Variants in MDGA2 observed in about 807,000 individuals in gnomAD.
The protein encoded by MDGA2 is MAM domain containing glycosylphosphatidylinositol anchor 2.
In MDGA2, 40 loss-of-function variants were observed where a neutral mutation model predicts 117.8. The ratio of observed to expected loss-of-function variants is 0.34; its 90% CI spans 0.26 to 0.44. MDGA2 has a LOEUF of 0.44. Among genes scored for constraint, MDGA2 ranks in the 20% least tolerant of loss-of-function variants. MDGA2 has a pLI of 1.00. For synonymous variants in MDGA2, 452 were observed against 439.0 expected (o/e 1.03, Z -0.37); for missense variants, 1,123 against 1,250.6 (o/e 0.90, Z 1.54).
chr14:47,420,190 A>G (rs1892550867), intron 1 of MDGA2, among the ~76,000 whole-genome samples: 1 of 152,192 alleles, frequency 6.6e-6, no homozygotes, highest in Admixed American at 6.5e-5. Context: ...TAGTGATTGT[A>G]AATTGAAAGT....
rs558947308 is a variant in MDGA2, at chr14:46,858,188, CT to C, written c.2753-3035del. On this transcript the variant is annotated intron_variant, in intron 14 of 16. Transcript: ENST00000399232. ...TTTTCTTTGTCTTCAAGTTCACTGA[CT>C]TTTTTTTTTCTGTCATCTCCAGTCT... 3.0e-4 allele frequency among the ~76,000 whole-genome samples: 44 copies of C among 148,290 alleles called. 1 individual carries two copies. The highest frequency in any genetic ancestry group is 3.4e-3 in the Middle Eastern group (1 of 290).
chr14:46,870,506 ACTATC>A (rs374106444), intron 14 of MDGA2, among the ~76,000 whole-genome samples: 9 of 152,092 alleles, frequency 5.9e-5, no homozygotes, highest in African/African-American at 2.2e-4. Context: ...TCTCTAATGA[ACTATC>A]TCATCTAGCT....
chr14:47,170,908 T>G (rs185996492), intron 3 of MDGA2, among the ~76,000 whole-genome samples: 1 of 152,282 alleles, frequency 6.6e-6, no homozygotes, highest in East Asian at 1.9e-4. Flanking sequence ...ATGTGATTTT[T>G]TAATTGACAT....
intron 1 of MDGA2, among the ~76,000 whole-genome samples, chr14:47,338,899 A>T (rs1890538210): frequency 6.6e-6 from 1 of 152,140 alleles, no homozygotes; most frequent in Non-Finnish European, 1.5e-5. Flanking sequence ...AGTGTTGTTC[A>T]TATGATGTAC....
chr14:47,307,025 T>C (rs555240556), intron 1 of MDGA2, among the ~76,000 whole-genome samples: 11 of 152,330 alleles, frequency 7.2e-5, no homozygotes, highest in African/African-American at 2.6e-4. Context: ...CCCAGCTTTC[T>C]ATTGATTTAA....
chr14:47,332,215 G>A (rs1890313195), intron 1 of MDGA2, among the ~76,000 whole-genome samples: 2 of 151,988 alleles, frequency 1.3e-5, no homozygotes, highest in Non-Finnish European at 2.9e-5. Context: ...CAGCTGGAAA[G>A]CTGAAAGACA....
chr14:47,520,403 A>G (rs965404609), intron 1 of MDGA2, among the ~76,000 whole-genome samples: 1 of 152,202 alleles, frequency 6.6e-6, no homozygotes, highest in African/African-American at 2.4e-5. Context: ...TTATCCCACT[A>G]CAAGCAACTC....
intron 2 of MDGA2, among the ~76,000 whole-genome samples, chr14:47,241,942 G>A (rs1216961287): frequency 6.6e-6 from 1 of 151,692 alleles, no homozygotes; most frequent in African/African-American, 2.4e-5. Flanking sequence ...TTCCACATCA[G>A]TAAAATAGAG....
At chr14:47,207,702 C>G (rs1170850699) in intron 3 of MDGA2, among the ~76,000 whole-genome samples, 1 of 151,972 alleles carries the variant, frequency 6.6e-6, no homozygotes, top group Non-Finnish European at 1.5e-5. Context: ...TCACAGCCAT[C>G]TGGATGTCTT....
intron 3 of MDGA2, among the ~76,000 whole-genome samples, chr14:47,144,596 A>G (rs1440141710): frequency 6.6e-6 from 1 of 152,062 alleles, no homozygotes; most frequent in Admixed American, 6.6e-5. Flanking sequence ...AGCCAAAACA[A>G]TGAACCTCAG....
chr14:47,461,821 A>G (rs1893493345), intron 1 of MDGA2, among the ~76,000 whole-genome samples: 1 of 152,202 alleles, frequency 6.6e-6, no homozygotes, highest in South Asian at 2.1e-4. Context: ...TTTTCCCAGA[A>G]ACCCAATTTA....
intron 5 of MDGA2, among the ~76,000 whole-genome samples, chr14:47,102,843 T>C (rs1275394175): frequency 1.3e-5 from 2 of 152,172 alleles, no homozygotes; most frequent in Non-Finnish European, 2.9e-5. Flanking sequence ...AGAATAAATA[T>C]GCAATCTGTC....
At chr14:47,231,356 T>C (rs1354453012) in intron 2 of MDGA2, among the ~76,000 whole-genome samples, 2 of 152,068 alleles carry the variant, frequency 1.3e-5, no homozygotes, top group Non-Finnish European at 2.9e-5. Context: ...GGAAAATGAT[T>C]TTCTCAGATC....
chr14:47,044,881 G>A (rs949837221), intron 7 of MDGA2, among the ~76,000 whole-genome samples: 4 of 152,178 alleles, frequency 2.6e-5, no homozygotes, highest in East Asian at 1.9e-4. Context: ...TTATTAGAAC[G>A]GCATTGTTCA....
intron 1 of MDGA2, among the ~76,000 whole-genome samples, chr14:47,333,702 T>G (rs1352249784): frequency 6.6e-6 from 1 of 151,558 alleles, no homozygotes; most frequent in Non-Finnish European, 1.5e-5. Context: ...CTCTCAACCT[T>G]CATACTCACA....
At chr14:46,874,818 A>G (rs1451076226) in intron 12 of MDGA2, among the ~76,000 whole-genome samples, 1 of 151,776 alleles carries the variant, frequency 6.6e-6, no homozygotes, top group Non-Finnish European at 1.5e-5. Flanking sequence ...ACTTTGAAGG[A>G]CTGTGATTTC....
chr14:47,089,139 C>T (rs919407935), intron 6 of MDGA2, among the ~76,000 whole-genome samples: 1 of 151,914 alleles, frequency 6.6e-6, no homozygotes, highest in Non-Finnish European at 1.5e-5. Context: ...TGGAAAGAAT[C>T]CCTAGTACAT....
intron 1 of MDGA2, among the ~76,000 whole-genome samples, chr14:47,303,056 T>A (rs1309881167): frequency 6.6e-6 from 1 of 152,076 alleles, no homozygotes; most frequent in Non-Finnish European, 1.5e-5. Flanking sequence ...AGAAAAGTGG[T>A]CTTGACATTA....
intron 1 of MDGA2, among the ~76,000 whole-genome samples, chr14:47,393,384 A>C (rs1255340745): frequency 1.7e-5 from 2 of 115,164 alleles, no homozygotes; most frequent in Non-Finnish European, 3.5e-5. Flanking sequence ...GGAAAATTTT[A>C]AAGTTTTTAA....
Sources: allele counts gnomAD v4.1 joint callset (sites outside exome capture counted in the v4.1 genomes callset), GRCh38; gene constraint gnomAD v4.1.1; transcripts MANE v1.5; gene names NCBI Gene and HGNC (gene_info 2026-07-23, HGNC 2026-07-21).